Variants in CYTH1 observed in about 807,000 individuals in gnomAD.
CYTH1 encodes the protein cytohesin-1.
A neutral mutation model predicts 61.8 loss-of-function variants in CYTH1; 18 were observed. The ratio of observed to expected loss-of-function variants is 0.29; its 90% CI spans 0.20 to 0.43. The LOEUF (loss-of-function observed/expected upper bound fraction) is 0.43. Ranked by LOEUF, CYTH1 falls within the 20% of genes least tolerant of loss-of-function variation. CYTH1 has a pLI of 1.00. For missense variants in CYTH1, 336 were observed against 510.5 expected, an observed-to-expected ratio of 0.66 and a Z score of 3.29; for synonymous variants, 174 against 184.3, an observed-to-expected ratio of 0.94 and a Z score of 0.45.
intron 1 of CYTH1, among the ~76,000 whole-genome samples, chr17:78,747,342 T>C (rs1382428184): frequency 2.6e-5 from 4 of 151,946 alleles, no homozygotes; most frequent in Non-Finnish European, 5.9e-5. Flanking sequence ...CATTCTCTGG[T>C]ATTTAGGAAG....
At chr17:78,767,818 A>G (rs952740647) in intron 1 of CYTH1, among the ~76,000 whole-genome samples, 3 of 152,216 alleles carry the variant, frequency 2.0e-5, no homozygotes, top group African/African-American at 4.8e-5. Context: ...GGGATATCCA[A>G]GGGGAAATGT....
At chr17:78,738,958 C>T (rs2093331751) in intron 1 of CYTH1, among the ~76,000 whole-genome samples, 2 of 152,230 alleles carry the variant, frequency 1.3e-5, no homozygotes, top group African/African-American at 4.8e-5. Flanking sequence ...GTGCTTGCCA[C>T]GTCCCTGATG....
chr17:78,758,614 G>T (rs1400708886), intron 1 of CYTH1, among the ~76,000 whole-genome samples: 4 of 152,178 alleles, frequency 2.6e-5, no homozygotes, highest in African/African-American at 9.7e-5. Context: ...TGAGGCAAGA[G>T]AATTGCTTGA....
intron 1 of CYTH1, among the ~76,000 whole-genome samples, chr17:78,760,469 A>G (rs559222282): frequency 0.014 from 682 of 48,632 alleles, 99 homozygotes; most frequent in Non-Finnish European, 0.02. Context: ...ACATATATAT[A>G]TGTATATATA....
At chr17:78,706,995 A>C (rs910072330) in intron 3 of CYTH1, among the ~76,000 whole-genome samples, 1 of 152,212 alleles carries the variant, frequency 6.6e-6, no homozygotes, top group Non-Finnish European at 1.5e-5. Flanking sequence ...ATTTCTTTTA[A>C]TAGTTTTTAA....
rs1001479056 is a variant in CYTH1 at position 78,674,401 on chromosome 17, T to C, written c.*1690A>G. Reference sequence around the variant, plus strand: ...CCAGACCTCGGCAGGCACCACCTGGTTCTCCCACCCAGAAAGTTCAGGTTT... The same window carrying C: ...CCAGACCTCGGCAGGCACCACCTGGCTCTCCCACCCAGAAAGTTCAGGTTT... On this transcript the variant is annotated 3_prime_UTR_variant, in exon 14 of 14. Transcript: ENST00000446868. 8 of 152,252 alleles carry C rather than the reference T, an allele frequency of 5.3e-5. No individual in the cohort carries two copies. The highest frequency in any genetic ancestry group is 2.1e-4 in the South Asian group (1 of 4,824). 9.4% of individuals were successfully genotyped at this position (152,252 alleles called of 1,614,324 possible).
chr17:78,748,947 C>T (rs2093369215), intron 1 of CYTH1, among the ~76,000 whole-genome samples: 1 of 152,152 alleles, frequency 6.6e-6, no homozygotes, highest in Admixed American at 6.6e-5. Context: ...ACTGAACCAG[C>T]GCGGTCCTGC....
At position 78,771,687 on chromosome 17, in the gene CYTH1, C is replaced by T. The variant is rs551806971; in HGVS notation, c.22+10515G>A. Among the ~76,000 whole-genome samples, 42 of 148,780 alleles carry T rather than the reference C, an allele frequency of 2.8e-4. No homozygotes were observed. In the South Asian group the frequency reaches 6.7e-3, roughly 24 times the overall value. On this transcript the variant is annotated intron_variant, in intron 1 of 13. Coordinates refer to ENST00000446868, the MANE Select transcript of CYTH1 (RefSeq NM_004762.6). ...TGGAGGTTGTAGTGAGCTGAGATTG[C>T]GCCATTGCACTCCAGCCTGGTGACA...
At chr17:78,721,575 T>A (rs2093228991) in intron 1 of CYTH1, among the ~76,000 whole-genome samples, 1 of 152,232 alleles carries the variant, frequency 6.6e-6, no homozygotes, top group Non-Finnish European at 1.5e-5. Context: ...AAGACTTCGG[T>A]CCTCTTCTCA....
chr17:78,751,516 C>T (rs1477755327), intron 1 of CYTH1, among the ~76,000 whole-genome samples: 1 of 151,772 alleles, frequency 6.6e-6, no homozygotes. Context: ...ACATAAAGGT[C>T]ATTTGTTTAC....
chr17:78,770,255 G>A (rs766738563), intron 1 of CYTH1, among the ~76,000 whole-genome samples: 2 of 150,082 alleles, frequency 1.3e-5, no homozygotes, highest in African/African-American at 2.4e-5. Context: ...CCCGGGAGGT[G>A]GAGGATGCAG....
chr17:78,689,834 A>G (rs1315376944), intron 11 of CYTH1, among the ~76,000 whole-genome samples: 1 of 152,102 alleles, frequency 6.6e-6, no homozygotes, highest in Non-Finnish European at 1.5e-5. Context: ...AGGAAAAAAT[A>G]ACAAGTCCTG....
intron 1 of CYTH1, among the ~76,000 whole-genome samples, chr17:78,730,902 G>C (rs928819700): frequency 6.6e-6 from 1 of 152,036 alleles, no homozygotes; most frequent in Non-Finnish European, 1.5e-5. Context: ...CTGACCTTGT[G>C]ATCTGCCTGC....
At chr17:78,732,280 T>C (rs991999814) in intron 1 of CYTH1, among the ~76,000 whole-genome samples, 5 of 152,186 alleles carry the variant, frequency 3.3e-5, no homozygotes, top group African/African-American at 1.2e-4. Context: ...TAATCAGACT[T>C]TGGGTCTTGA....
At chr17:78,699,793 TTTTTG>T (rs1245969348) in intron 7 of CYTH1, among the ~76,000 whole-genome samples, 1 of 152,184 alleles carries the variant, frequency 6.6e-6, no homozygotes, top group Non-Finnish European at 1.5e-5. Flanking sequence ...GTTTCTTTAG[TTTTTG>T]TTTTGAGACA....
chr17:78,746,905 C>T (rs1015339461), intron 1 of CYTH1, among the ~76,000 whole-genome samples: 8 of 151,990 alleles, frequency 5.3e-5, no homozygotes, highest in Admixed American at 2.6e-4. Flanking sequence ...CATCACCCCA[C>T]TGCACTCCAG....
chr17:78,702,455 A>G, intron 4 of CYTH1, 83 bp downstream of exon 4: 2 of 1,470,550 alleles, frequency 1.4e-6, no homozygotes, highest in Non-Finnish European at 1.9e-6. Flanking sequence ...TAACGCTTGG[A>G]AAAAAACGTT....
intron 1 of CYTH1, among the ~76,000 whole-genome samples, chr17:78,750,808 A>C (rs2093377212): frequency 6.6e-6 from 1 of 152,038 alleles, no homozygotes; most frequent in African/African-American, 2.4e-5. Flanking sequence ...TCTCAAAAAA[A>C]AAAAAAACAA....
Position 78,696,341 on chromosome 17 carries a change from G to A in CYTH1, c.812-332C>T, listed in dbSNP as rs796819105. Among the ~76,000 whole-genome samples, 17 of 152,368 alleles carry A rather than the reference G, an allele frequency of 1.1e-4. 1 individual carries two copies. The highest frequency in any genetic ancestry group is 3.8e-4 in the African/African-American group (16 of 41,580). ...ATGTTTACTAGTATATCCAGAATCA[G>A]AGCAAAGAAAGCTAAGGTTATTTCA... On this transcript the variant is annotated intron_variant, in intron 9 of 13. Transcript: ENST00000446868.
Sources: gnomAD v4.1 joint callset for allele counts (sites outside exome capture counted in the v4.1 genomes callset) on GRCh38, gnomAD v4.1.1 for gene constraint, MANE v1.5 for transcripts, NCBI Gene and HGNC (gene_info 2026-07-23, HGNC 2026-07-21) for gene names.